ZFPM2: variants seen among roughly 807,000 people sequenced by gnomAD.
ZFPM2 encodes the protein zinc finger protein ZFPM2.
Under a neutral mutation model 98.6 loss-of-function variants are expected in ZFPM2, and 20 were observed. That is an observed-to-expected ratio of 0.20 (90% CI 0.14 to 0.29). ZFPM2 has a LOEUF of 0.29. ZFPM2 is among the 10% of genes least tolerant of loss of function. The pLI, the probability that ZFPM2 is intolerant of heterozygous loss-of-function variation, is 1.00. For synonymous variants in ZFPM2, 518 were observed against 502.7 expected (o/e 1.03, Z -0.41); for missense variants, 1,310 against 1,388.6 (o/e 0.94, Z 0.90).
At chr8:105,491,455 A>G (rs1482404220) in intron 3 of ZFPM2, among the ~76,000 whole-genome samples, 2 of 152,152 alleles carry the variant, frequency 1.3e-5, no homozygotes, top group Non-Finnish European at 2.9e-5. Context: ...GGATAAAGAC[A>G]TGTTGCCGGA....
chr8:105,456,009 G>T (rs959871662), intron 3 of ZFPM2, among the ~76,000 whole-genome samples: 1 of 152,014 alleles, frequency 6.6e-6, no homozygotes, highest in African/African-American at 2.4e-5. Context: ...ATAAACCAGA[G>T]GGCTGCAAAA....
chr8:105,490,820 A>G (rs188681111), intron 3 of ZFPM2, among the ~76,000 whole-genome samples: 73 of 152,326 alleles, frequency 4.8e-4, no homozygotes, highest in Admixed American at 1.8e-3. Context: ...TGATGTGTAC[A>G]AAATACAGTA....
At chr8:105,462,844 A>G (rs1315164547) in intron 3 of ZFPM2, among the ~76,000 whole-genome samples, 1 of 152,084 alleles carries the variant, frequency 6.6e-6, no homozygotes, top group East Asian at 1.9e-4. Context: ...GTTTGTATCT[A>G]TGTTGTTCAA....
chr8:105,441,478 G>GAAAA (rs372660232), intron 2 of ZFPM2, among the ~76,000 whole-genome samples: 1 of 71,574 alleles, frequency 1.4e-5, no homozygotes, highest in African/African-American at 1.2e-4. Context: ...AAGAAAGAAA[G>GAAAA]AAAGAAAGAA....
rs149883048 is a variant in ZFPM2 at position 105,586,047 on chromosome 8, ACGTG to A, written c.420+24568_420+24571del. ...TGTGTGTGTGTGTGTGTGTATGCAC[ACGTG>A]CTTCTATGTTGTAGAAGGCAGGAAA... On this transcript the variant is annotated intron_variant, in intron 4 of 7. Transcript: ENST00000407775. 8.9e-3 allele frequency among the ~76,000 whole-genome samples: 1,344 copies of A among 150,700 alleles called. 20 individuals are homozygous for A. The highest frequency in any genetic ancestry group is 0.031 in the African/African-American group (1,247 of 40,836).
intron 1 of ZFPM2, among the ~76,000 whole-genome samples, chr8:105,354,824 C>T (rs1264327736): frequency 3.9e-5 from 6 of 152,124 alleles, no homozygotes; most frequent in African/African-American, 9.6e-5. Flanking sequence ...CATGGTGGCA[C>T]GCACCTGTGG....
chr8:105,328,655 A>T (rs1253040813), intron 1 of ZFPM2, among the ~76,000 whole-genome samples: 1 of 151,914 alleles, frequency 6.6e-6, no homozygotes, highest in African/African-American at 2.4e-5. Flanking sequence ...TAAATAGATT[A>T]AATGGCTTTT....
At chr8:105,619,246 A>C (rs1479281540) in intron 4 of ZFPM2, among the ~76,000 whole-genome samples, 1 of 152,126 alleles carries the variant, frequency 6.6e-6, no homozygotes, top group Non-Finnish European at 1.5e-5. Flanking sequence ...TGGACCATCA[A>C]ATATGTGTGT....
intron 5 of ZFPM2, among the ~76,000 whole-genome samples, chr8:105,712,337 T>C (rs1291117837): frequency 2.0e-5 from 3 of 152,072 alleles, no homozygotes; most frequent in East Asian, 3.9e-4. Context: ...TCATATAATT[T>C]AGATTTTGAA....
intron 1 of ZFPM2, among the ~76,000 whole-genome samples, chr8:105,328,023 G>A (rs1473190840): frequency 3.3e-5 from 5 of 151,688 alleles, no homozygotes; most frequent in South Asian, 2.1e-4. Flanking sequence ...AATTCAGTGC[G>A]AATCATTTGG....
chr8:105,642,395 C>T (rs939679531), intron 5 of ZFPM2, among the ~76,000 whole-genome samples: 1 of 152,034 alleles, frequency 6.6e-6, no homozygotes, highest in African/African-American at 2.4e-5. Context: ...TAATTTTCTT[C>T]ACTTTGATTA....
chr8:105,654,841 G>T (rs1563507097), intron 5 of ZFPM2, among the ~76,000 whole-genome samples: 2 of 152,224 alleles, frequency 1.3e-5, no homozygotes, highest in Non-Finnish European at 2.9e-5. Flanking sequence ...AATGGTGTCA[G>T]ATCTGCCTTA....
At chr8:105,359,049 C>G (rs746298115) in intron 1 of ZFPM2, among the ~76,000 whole-genome samples, 3 of 152,054 alleles carry the variant, frequency 2.0e-5, no homozygotes, top group Non-Finnish European at 4.4e-5. Flanking sequence ...CACCCAAATC[C>G]CATTTTGAAT....
intron 5 of ZFPM2, among the ~76,000 whole-genome samples, chr8:105,647,201 G>C (rs1817064763): frequency 6.6e-6 from 1 of 152,030 alleles, no homozygotes; most frequent in Non-Finnish European, 1.5e-5. Context: ...CAATTTTCTA[G>C]ATTCCAATAT....
At chr8:105,604,832 C>T (rs1816165577) in intron 4 of ZFPM2, among the ~76,000 whole-genome samples, 1 of 152,062 alleles carries the variant, frequency 6.6e-6, no homozygotes, top group Non-Finnish European at 1.5e-5. Context: ...TACCTAAAAT[C>T]ACCTTATAGT....
At chr8:105,361,804 TAA>T in intron 1 of ZFPM2, among the ~76,000 whole-genome samples, 2 of 152,250 alleles carry the variant, frequency 1.3e-5, no homozygotes, top group African/African-American at 4.8e-5. Context: ...GGTGGTCCCA[TAA>T]GATAATATTA....
At chr8:105,444,204 T>C (rs1812320919) in intron 2 of ZFPM2, 76 bp from the exon 3 acceptor site, 3 of 1,098,830 alleles carry the variant, frequency 2.7e-6, no homozygotes, top group East Asian at 5.1e-5. Flanking sequence ...GATAAGGACA[T>C]CCCTTTATGA....
At chr8:105,664,526 G>A (rs1817454815) in intron 5 of ZFPM2, among the ~76,000 whole-genome samples, 1 of 152,074 alleles carries the variant, frequency 6.6e-6, no homozygotes, top group Admixed American at 6.5e-5. Flanking sequence ...TAAAGATGGG[G>A]TTTCTTCATG....
At chr8:105,734,494 A>C (rs1721753156) in intron 5 of ZFPM2, among the ~76,000 whole-genome samples, 1 of 152,072 alleles carries the variant, frequency 6.6e-6, no homozygotes, top group East Asian at 1.9e-4. Context: ...TATTCAGATG[A>C]CAGTGAAGTA....
Sources: allele counts gnomAD v4.1 joint callset (sites outside exome capture counted in the v4.1 genomes callset), GRCh38; gene constraint gnomAD v4.1.1; transcripts MANE v1.5; gene names NCBI Gene and HGNC (gene_info 2026-07-23, HGNC 2026-07-21).